Variants in MAD1L1 observed in about 807,000 individuals in gnomAD.
MAD1L1 encodes mitotic arrest deficient 1 like 1, also known as mitotic spindle assembly checkpoint protein MAD1.
MAD1L1 carries 95 observed loss-of-function variants against 96.9 expected under a neutral mutation model. The ratio of observed to expected loss-of-function variants is 0.98; its 90% CI spans 0.83 to 1.16. MAD1L1 has a LOEUF of 1.16. Ranked by LOEUF, MAD1L1 falls within the 50% of genes most tolerant of loss-of-function variation. MAD1L1 has a pLI of 0.00. For synonymous variants in MAD1L1, 473 were observed against 396.6 expected (o/e 1.19, Z -2.29); for missense variants, 1,007 against 954.4 (o/e 1.06, Z -0.73).
At chr7:1,838,813 G>A (rs571399393) in intron 18 of MAD1L1, 8 of 471,392 alleles carry the variant, frequency 1.7e-5, no homozygotes, top group East Asian at 6.9e-5. Flanking sequence ...CACTGACCAC[G>A]GGGTGAACGT....
Position 2,114,684 on chromosome 7 carries a change from A to G in MAD1L1, c.1073+34468T>C. On this transcript the variant is annotated intron_variant, in intron 11 of 18. Transcript: ENST00000265854. The surrounding 1 kb of genome is among the most constrained non-coding windows in gnomAD (Gnocchi z 4.2). Reference sequence around the variant, plus strand: ...TGTAAACAACTTTTGTTTTTTTAACAAAGTTTTGATGGAGCACAGCCACCC... The same window carrying G: ...TGTAAACAACTTTTGTTTTTTTAACGAAGTTTTGATGGAGCACAGCCACCC... 6.6e-6 allele frequency among the ~76,000 whole-genome samples: 1 copy of G among 152,214 alleles called. No homozygotes were observed. Among genetic ancestry groups the G allele is most frequent in the African/African-American group, 2.4e-5 (1 of 41,454 alleles).
At chr7:1,997,368 A>C (rs1781602640) in intron 14 of MAD1L1, among the ~76,000 whole-genome samples, 1 of 152,216 alleles carries the variant, frequency 6.6e-6, no homozygotes, top group Non-Finnish European at 1.5e-5. Context: ...GCTTCTCCAC[A>C]CAAGCCCTGA....
Position 2,127,211 on chromosome 7 carries a change from G to T in MAD1L1, c.1073+21941C>A, listed in dbSNP as rs899650291. Among the ~76,000 whole-genome samples the T allele has an allele frequency of 4.6e-5, 7 of 152,338 alleles. No homozygotes were observed. The East Asian group carries it at 1.2e-3, about 25-fold the overall frequency. On this transcript the variant is annotated intron_variant, in intron 11 of 18. Coordinates refer to ENST00000265854, the MANE Select transcript of MAD1L1 (RefSeq NM_001013836.2). ...CCACGGGCCTTTGCTAGTCATGGGAGTGCCACAGAGAAGACGTCCCCGCCC... is the reference window on the plus strand; with the variant it reads ...CCACGGGCCTTTGCTAGTCATGGGATTGCCACAGAGAAGACGTCCCCGCCC...
At chr7:2,154,344 CG>C (rs1584441242) in intron 10 of MAD1L1, among the ~76,000 whole-genome samples, 1 of 152,082 alleles carries the variant, frequency 6.6e-6, no homozygotes, top group African/African-American at 2.4e-5. Flanking sequence ...TCTGGGTGAG[CG>C]GAACCACAGA....
chr7:2,002,998 G>T (rs534737635), intron 13 of MAD1L1, among the ~76,000 whole-genome samples: 2 of 152,294 alleles, frequency 1.3e-5, no homozygotes, highest in Admixed American at 1.3e-4. Flanking sequence ...CTCTGTCCTA[G>T]AACCTGGGAG....
At chr7:1,836,253 C>T (rs781705183) in intron 18 of MAD1L1, among the ~76,000 whole-genome samples, 3 of 152,164 alleles carry the variant, frequency 2.0e-5, no homozygotes, top group Non-Finnish European at 4.4e-5. Context: ...AACTCCTGAT[C>T]TCATGATCTG....
chr7:2,045,768 T>G (rs1022929533), intron 12 of MAD1L1, among the ~76,000 whole-genome samples: 2 of 152,050 alleles, frequency 1.3e-5, no homozygotes, highest in Non-Finnish European at 2.9e-5. Context: ...TGGGAGCCAA[T>G]TTCTCACCTG....
chr7:2,206,985 G>A (rs1191103115), intron 10 of MAD1L1, among the ~76,000 whole-genome samples: 2 of 151,436 alleles, frequency 1.3e-5, no homozygotes, highest in Non-Finnish European at 2.9e-5. Context: ...GGAGGCTGAG[G>A]CAGAATTGCT....
In MAD1L1 at chr7:1,838,812, C is replaced by T. The variant is rs1308173334; in HGVS notation, c.1999-22584G>A. 1.7e-5 allele frequency: 8 copies of T among 471,248 alleles called. No individual in the cohort carries two copies. In the East Asian group the frequency reaches 3.5e-4, roughly 20 times the overall value. The allele number at this position is 471,248 out of a possible 1,614,324, so 29.2% of individuals were successfully genotyped here. ...ATGAGAAAGGCCCAGCCACTGACCA[C>T]GGGGTGAACGTCCTGCCATCCACAG... On this transcript the variant is annotated intron_variant, in intron 18 of 18. Transcript: ENST00000265854.
chr7:1,995,056 G>A (rs1342895597), intron 14 of MAD1L1, among the ~76,000 whole-genome samples: 1 of 152,154 alleles, frequency 6.6e-6, no homozygotes, highest in Non-Finnish European at 1.5e-5. Flanking sequence ...GCAGCCACAG[G>A]GTCTCTGTTC....
At chr7:1,903,329 G>A (rs1353081437) in intron 17 of MAD1L1, among the ~76,000 whole-genome samples, 109 of 150,902 alleles carry the variant, frequency 7.2e-4, no homozygotes, top group Middle Eastern at 3.6e-3. Context: ...GTGGCCTACG[G>A]AAGACACTCT....
chr7:2,089,600 C>A (rs1786102346), intron 11 of MAD1L1, among the ~76,000 whole-genome samples: 2 of 150,636 alleles, frequency 1.3e-5, no homozygotes. Flanking sequence ...CTGGGGCCCA[C>A]CGCACACGCC....
chr7:2,163,370 T>C (rs1018497124), intron 10 of MAD1L1, among the ~76,000 whole-genome samples: 1 of 152,068 alleles, frequency 6.6e-6, no homozygotes, highest in Admixed American at 6.5e-5. Flanking sequence ...CGACAGTATG[T>C]ATTCTTTGTT....
At chr7:2,069,085 C>A in intron 12 of MAD1L1, 109 bp downstream of exon 12, 1 of 1,406,662 alleles carries the variant, frequency 7.1e-7, no homozygotes, top group East Asian at 2.7e-5. Flanking sequence ...AAGTGCCAAC[C>A]CTGACCCGGC....
At chr7:1,871,387 G>A (rs546297862) in intron 18 of MAD1L1, among the ~76,000 whole-genome samples, 1,458 of 96,992 alleles carry the variant, frequency 0.015, 27 homozygotes, top group African/African-American at 0.052. Context: ...TGAACCCACC[G>A]TAACACCTGC....
At chr7:2,022,669 G>A (rs981666488) in intron 12 of MAD1L1, among the ~76,000 whole-genome samples, 3 of 151,982 alleles carry the variant, frequency 2.0e-5, no homozygotes, top group African/African-American at 7.3e-5. Context: ...CAAAGAACAA[G>A]TGTCCCAATA....
chr7:1,903,379 G>A lies in MAD1L1; in HGVS notation c.1808-4989C>T, dbSNP rs558124211. Among the ~76,000 whole-genome samples the A allele has an allele frequency of 1.6e-4, 24 of 149,964 alleles. No homozygotes were observed. In the South Asian group the frequency reaches 4.3e-3, roughly 27 times the overall value. On this transcript the variant is annotated intron_variant, in intron 17 of 18. Transcript: ENST00000265854. ...TTGATGAAGCACTGTTCCAGGCAGC[G>A]AGGACACAGTGGCCTATGGAAGACG... is the stretch of plus-strand genomic sequence containing the variant.
chr7:2,019,120 C>T (rs137964276), intron 12 of MAD1L1, among the ~76,000 whole-genome samples: 59 of 152,296 alleles, frequency 3.9e-4, no homozygotes, highest in African/African-American at 1.4e-3. Context: ...CCACTGACGC[C>T]GGCACCATCT....
At chr7:2,182,821 G>A (rs768514654) in intron 10 of MAD1L1, among the ~76,000 whole-genome samples, 10 of 152,166 alleles carry the variant, frequency 6.6e-5, no homozygotes, top group South Asian at 6.2e-4. Flanking sequence ...AGGGAACTTC[G>A]GCCAACTGGG....
Sources: allele counts gnomAD v4.1 joint callset (sites outside exome capture counted in the v4.1 genomes callset), GRCh38; gene constraint gnomAD v4.1.1; non-coding constraint Gnocchi (gnomAD v3.1); transcripts MANE v1.5; gene names NCBI Gene and HGNC (gene_info 2026-07-23, HGNC 2026-07-21).